ARHGAP1: variants seen among roughly 807,000 people sequenced by gnomAD.
ARHGAP1 encodes the protein rho GTPase-activating protein 1.
In ARHGAP1, 23 loss-of-function variants were observed where a neutral mutation model predicts 52.2. The ratio of observed to expected loss-of-function variants is 0.44; its 90% CI spans 0.32 to 0.62. The LOEUF (loss-of-function observed/expected upper bound fraction) is 0.62. Among genes scored for constraint, ARHGAP1 ranks in the 20% least tolerant of loss-of-function variants. ARHGAP1 has a pLI of 0.05. For synonymous variants in ARHGAP1, 210 were observed against 228.4 expected (o/e 0.92, Z 0.73); for missense variants, 480 against 560.9 (o/e 0.86, Z 1.46).
chr11:46,689,053 C>T (rs1488196173), intron 3 of ARHGAP1, among the ~76,000 whole-genome samples: 8 of 147,300 alleles, frequency 5.4e-5, no homozygotes, highest in South Asian at 4.3e-4. Context: ...CACTGTACTC[C>T]AGCCTGGGTG....
intron 4 of ARHGAP1, among the ~76,000 whole-genome samples, chr11:46,682,825 A>G (rs2064539234): frequency 1.3e-5 from 2 of 152,236 alleles, no homozygotes; most frequent in African/African-American, 2.4e-5. Flanking sequence ...TCTCTGAATC[A>G]ATAATAATGA....
chr11:46,692,588 G>A (rs565792736), intron 3 of ARHGAP1, among the ~76,000 whole-genome samples: 1 of 152,310 alleles, frequency 6.6e-6, no homozygotes, highest in African/African-American at 2.4e-5. Context: ...GCTGGCCACA[G>A]CACTTTGTAA....
At position 46,696,675 on chromosome 11, in the gene ARHGAP1, C is replaced by A. The variant is rs1437973737; in HGVS notation, c.-49-519G>T. 6.6e-6 allele frequency among the ~76,000 whole-genome samples: 1 copy of A among 152,196 alleles called. No individual in the cohort carries two copies. The highest frequency in any genetic ancestry group is 1.5e-5 in the Non-Finnish European group (1 of 68,034). On this transcript the variant is annotated intron_variant, in intron 1 of 12. Coordinates refer to ENST00000311956, the MANE Select transcript of ARHGAP1 (RefSeq NM_004308.5). This position sits in a 1 kb window ranked among gnomAD's most constrained non-coding sequence, Gnocchi z 4.8. Reference sequence around the variant, plus strand: ...CCTGAGGTCAGGAGTTCAAGACTAGCCTGGCCAGCATGGTGAAACCCCATC... The same window carrying A: ...CCTGAGGTCAGGAGTTCAAGACTAGACTGGCCAGCATGGTGAAACCCCATC...
intron 1 of ARHGAP1, among the ~76,000 whole-genome samples, chr11:46,700,204 A>C (rs986675234): frequency 6.6e-6 from 1 of 152,216 alleles, no homozygotes; most frequent in Non-Finnish European, 1.5e-5. Flanking sequence ...ATAAGTGGCA[A>C]GGAGGAACAC....
rs768213206 is a variant in ARHGAP1 at position 46,681,256 on chromosome 11, C to A, written c.536+37G>T. ...AGCCTCCCAGCTTCAGAGTTCCAGG[C>A]AAGCCGGGACCACCAGCCCTGCCCG... On this transcript the variant is annotated intron_variant, in intron 6 of 12. Coordinates refer to ENST00000311956, the MANE Select transcript of ARHGAP1 (RefSeq NM_004308.5). This position sits in a 1 kb window ranked among gnomAD's most constrained non-coding sequence, Gnocchi z 5.7. 6.3e-7 allele frequency: 1 copy of A among 1,585,968 alleles called. No homozygotes were observed. Among genetic ancestry groups the A allele is most frequent in the Admixed American group, 1.7e-5 (1 of 59,958 alleles).
At chr11:46,685,676 CTTTTTTTTT>C (rs34418008) in intron 4 of ARHGAP1, among the ~76,000 whole-genome samples, 1 of 112,220 alleles carries the variant, frequency 8.9e-6, no homozygotes, top group Non-Finnish European at 1.8e-5. Flanking sequence ...GCACAAGTCT[CTTTTTTTTT>C]TTTTTTTTTT....
chr11:46,683,726 T>C (rs2064546547), intron 4 of ARHGAP1, among the ~76,000 whole-genome samples: 1 of 151,890 alleles, frequency 6.6e-6, no homozygotes, highest in African/African-American at 2.4e-5. Context: ...CCAAAACCTC[T>C]GCCTCCCAGA....
At chr11:46,700,084 C>T (rs1279967945) in intron 1 of ARHGAP1, among the ~76,000 whole-genome samples, 1 of 152,070 alleles carries the variant, frequency 6.6e-6, no homozygotes, top group Non-Finnish European at 1.5e-5. Context: ...GCAGGAGAAT[C>T]GCTTGAATCC....
At position 46,679,560 on chromosome 11, in the gene ARHGAP1, C is replaced by A; in HGVS notation, c.1027+88G>T. On this transcript the variant is annotated intron_variant, in intron 11 of 12. Transcript: ENST00000311956. This position sits in a 1 kb window ranked among gnomAD's most constrained non-coding sequence, Gnocchi z 4.4. Reference sequence around the variant, plus strand: ...GGCTAGAGGGGAGACCCCCAGCAGTCTTCCCTGGGAGGCGCCTAGGCCCGA... The same window carrying A: ...GGCTAGAGGGGAGACCCCCAGCAGTATTCCCTGGGAGGCGCCTAGGCCCGA... 1 of 1,607,116 alleles carries A rather than the reference C, an allele frequency of 6.2e-7. No individual in the cohort carries two copies. Among genetic ancestry groups the A allele is most frequent in the Non-Finnish European group, 8.5e-7 (1 of 1,175,588 alleles).
chr11:46,681,136 T>C lies in ARHGAP1; in HGVS notation c.537-27A>G. ...TGTTGGTGGAAGAAAGGGCCTGGGT[T>C]GTGGGGGCCCGCTTCCGGTGGCCTC... is the stretch of plus-strand genomic sequence containing the variant. On this transcript the variant is annotated intron_variant, in intron 6 of 12. Coordinates refer to ENST00000311956, the MANE Select transcript of ARHGAP1 (RefSeq NM_004308.5). This position sits in a 1 kb window ranked among gnomAD's most constrained non-coding sequence, Gnocchi z 5.7. 1 of 1,603,982 alleles carries C rather than the reference T, an allele frequency of 6.2e-7. No homozygotes were observed. The highest frequency in any genetic ancestry group is 8.5e-7 in the Non-Finnish European group (1 of 1,170,776).
Position 46,682,189 on chromosome 11 carries a change from G to A in ARHGAP1, c.318-7C>T. 1 of 1,613,908 alleles carries A rather than the reference G, an allele frequency of 6.2e-7. No homozygotes were observed. Among genetic ancestry groups the A allele is most frequent in the East Asian group, 2.2e-5 (1 of 44,860 alleles). On this transcript the variant is annotated splice_polypyrimidine_tract_variant and splice_region_variant and intron_variant, in intron 4 of 12. Coordinates refer to ENST00000311956, the MANE Select transcript of ARHGAP1 (RefSeq NM_004308.5). Reference sequence around the variant, plus strand: ...CAGGGTGTGCTTCAGGTACCTTCCAGGGAAAAGCCCTGCTCAGGCCTGCCC... The same window carrying A: ...CAGGGTGTGCTTCAGGTACCTTCCAAGGAAAAGCCCTGCTCAGGCCTGCCC...
rs765587887 is a variant in ARHGAP1 at position 46,679,098 on chromosome 11, G to A, written c.1259C>T (p.Thr420Ile). 1 of 1,614,226 alleles carries A rather than the reference G, an allele frequency of 6.2e-7. No individual in the cohort carries two copies. The highest frequency in any genetic ancestry group is 1.7e-5 in the Admixed American group (1 of 60,024). The change falls in exon 13 of 13, where the codon ACC becomes ATC. Residue 420 changes from threonine (T) to isoleucine (I), a missense_variant. Physicochemically the swap from Thr to Ile is moderately conservative, Grantham distance 89 (BLOSUM62 -1). Coordinates refer to ENST00000311956, the MANE Select transcript of ARHGAP1 (RefSeq NM_004308.5). This position sits in a 1 kb window ranked among gnomAD's most constrained non-coding sequence, Gnocchi z 4.4. ...CCCTTGGTGATCCAGAAGGAACTTG[G>A]TGAAGGTGTTGATGGGATTAATGGC... ...LKAINPINTF[T>I]KFLLDHQGEL...
Position 46,679,850 on chromosome 11 carries a change from G to C in ARHGAP1, c.899-74C>G. On this transcript the variant is annotated intron_variant, in intron 10 of 12. Coordinates refer to ENST00000311956, the MANE Select transcript of ARHGAP1 (RefSeq NM_004308.5). The surrounding 1 kb of genome is among the most constrained non-coding windows in gnomAD (Gnocchi z 4.4). ...CACCCATCTGCAGACAACGCGGGCCGCACTGCCTGACTGCCCCTGGACACT... is the reference window on the plus strand; with the variant it reads ...CACCCATCTGCAGACAACGCGGGCCCCACTGCCTGACTGCCCCTGGACACT... 2 of 1,593,716 alleles carry C rather than the reference G, an allele frequency of 1.3e-6. No individual in the cohort carries two copies. The highest frequency in any genetic ancestry group is 1.7e-6 in the Non-Finnish European group (2 of 1,172,860).
intron 3 of ARHGAP1, among the ~76,000 whole-genome samples, chr11:46,688,640 C>T (rs1807661492): frequency 6.6e-6 from 1 of 151,982 alleles, no homozygotes; most frequent in Non-Finnish European, 1.5e-5. Context: ...CACCACCATA[C>T]CTGGTGAAAT....
At position 46,685,739 on chromosome 11, in the gene ARHGAP1, C is replaced by T. The variant is rs1249232588; in HGVS notation, c.317+2434G>A. Among the ~76,000 whole-genome samples the T allele has an allele frequency of 4.2e-5, 6 of 143,954 alleles. No individual in the cohort carries two copies. The South Asian group carries it at 8.8e-4, about 21-fold the overall frequency. The allele number at this position is 143,954 out of a possible 152,430, so 94.4% of individuals were successfully genotyped here. On this transcript the variant is annotated intron_variant, in intron 4 of 12. Transcript: ENST00000311956. ...TGTTGCCCAGGCTGGAGTGCAGTGGCGCAATCTCGGCTGACTGCAACCTCT... is the reference window on the plus strand; with the variant it reads ...TGTTGCCCAGGCTGGAGTGCAGTGGTGCAATCTCGGCTGACTGCAACCTCT...
chr11:46,685,109 T>C (rs1166158759), intron 4 of ARHGAP1, among the ~76,000 whole-genome samples: 1 of 136,520 alleles, frequency 7.3e-6, no homozygotes, highest in African/African-American at 2.8e-5. Context: ...AAAAAAAAGA[T>C]ACCAAACTGA....
intron 1 of ARHGAP1, among the ~76,000 whole-genome samples, chr11:46,700,028 G>A (rs1442379183): frequency 1.3e-5 from 2 of 152,018 alleles, no homozygotes; most frequent in Admixed American, 6.5e-5. Context: ...AAATTAGCCG[G>A]GCGTGGTGGC....
In ARHGAP1 at chr11:46,679,693, G is replaced by A; in HGVS notation, c.982C>T (p.Pro328Ser). ...GGGTAGAGGTCAAAGGTGAGCAGGG[G>A]CTCAGGAAGCTCCCGGAGGAAGGTC... ...LKTFLRELPEPLLTFDLYPHV... is the reference protein window; with the variant it reads ...LKTFLRELPESLLTFDLYPHV... Residue 328 changes from proline to serine, a missense_variant, in exon 11 of 13, where the codon CCC becomes TCC. Pro to Ser is a moderately conservative substitution (Grantham distance 74). Coordinates refer to ENST00000311956, the MANE Select transcript of ARHGAP1 (RefSeq NM_004308.5). This position sits in a 1 kb window ranked among gnomAD's most constrained non-coding sequence, Gnocchi z 4.4. 1 of 1,614,116 alleles carries A rather than the reference G, an allele frequency of 6.2e-7. No individual in the cohort carries two copies. The highest frequency in any genetic ancestry group is 8.5e-7 in the Non-Finnish European group (1 of 1,180,012).
rs1555151880 is a variant in ARHGAP1, at chr11:46,681,593, C to G, written c.450-214G>C. The G allele has an allele frequency of 5.9e-6, 3 of 508,900 alleles. No individual in the cohort carries two copies. Among genetic ancestry groups the G allele is most frequent in the Non-Finnish European group, 1.1e-5 (3 of 281,606 alleles). The allele number at this position is 508,900 out of a possible 1,614,324, so 31.5% of individuals were successfully genotyped here. A position where few individuals can be genotyped will look rare whatever the true frequency, so the allele number is the denominator to read the frequency against. On this transcript the variant is annotated intron_variant, in intron 5 of 12. Transcript: ENST00000311956. The surrounding 1 kb of genome is among the most constrained non-coding windows in gnomAD (Gnocchi z 5.7). ...GGATTACAGGCACCCACCACCACAC[C>G]TAGCTAATTTTTGTATTTTTAGCGG...
Sources: gnomAD v4.1 joint callset for allele counts (sites outside exome capture counted in the v4.1 genomes callset) on GRCh38, gnomAD v4.1.1 for gene constraint, Gnocchi (gnomAD v3.1) non-coding constraint, MANE v1.5 for transcripts, NCBI Gene and HGNC (gene_info 2026-07-23, HGNC 2026-07-21) for gene names.